The following IMMT variants were observed in gnomAD, a reference collection of about 807,000 sequenced individuals.
IMMT encodes MICOS complex subunit MIC60.
In IMMT, 40 loss-of-function variants were observed where a neutral mutation model predicts 92.7. The ratio of observed to expected loss-of-function variants is 0.43; its 90% CI spans 0.34 to 0.56. IMMT has a LOEUF of 0.56. Among genes scored for constraint, IMMT ranks in the 20% least tolerant of loss-of-function variants. The probability of loss-of-function intolerance (pLI) is 0.03; values close to 1 mark genes in which losing one functional copy is unlikely to be tolerated. For synonymous variants in IMMT, 322 were observed against 336.1 expected (o/e 0.96, Z 0.46); for missense variants, 831 against 912.1 (o/e 0.91, Z 1.14).
intron 10 of IMMT, among the ~76,000 whole-genome samples, chr2:86,154,796 A>G (rs772376632): frequency 1.3e-5 from 2 of 152,192 alleles, no homozygotes; most frequent in Non-Finnish European, 2.9e-5. Context: ...TGAACACGTG[A>G]CAGGAGAAGG....
At chr2:86,171,584 C>G (rs1677086764) in intron 4 of IMMT, 1 of 448,776 alleles carries the variant, frequency 2.2e-6, no homozygotes, top group Middle Eastern at 3.9e-4. Context: ...TCTGCATCCA[C>G]CTGCATTTTA....
intron 10 of IMMT, among the ~76,000 whole-genome samples, chr2:86,158,178 A>G (rs774100956): frequency 1.1e-4 from 16 of 152,250 alleles, no homozygotes; most frequent in Non-Finnish European, 1.9e-4. Context: ...TTTGTCACAG[A>G]GCAGACATAA....
chr2:86,152,457 A>AAAAAAAAAAAAAG (rs1242798734), intron 11 of IMMT, among the ~76,000 whole-genome samples: 1 of 149,710 alleles, frequency 6.7e-6, no homozygotes, highest in African/African-American at 2.5e-5. Context: ...AAAAAAAAAA[A>AAAAAAAAAAAAAG]AGAGAGAATT....
intron 11 of IMMT, among the ~76,000 whole-genome samples, chr2:86,152,977 TAAA>T (rs1178406128): frequency 6.6e-6 from 1 of 152,140 alleles, no homozygotes; most frequent in African/African-American, 2.4e-5. Context: ...TCGATTCAAA[TAAA>T]AACTGTAAAG....
At chr2:86,186,057 C>T (rs1260200422) in intron 1 of IMMT, among the ~76,000 whole-genome samples, 2 of 152,122 alleles carry the variant, frequency 1.3e-5, no homozygotes, top group South Asian at 4.1e-4. Flanking sequence ...TCTGTCATAC[C>T]ACCATATGCT....
Position 86,171,490 on chromosome 2 carries a change from C to T in IMMT, c.422-145G>A, listed in dbSNP as rs569128480. 5.3e-4 allele frequency: 383 copies of T among 728,432 alleles called. 1 individual carries two copies. The African/African-American group carries it at 6.3e-3, about 12-fold the overall frequency. The allele number at this position is 728,432 out of a possible 1,614,324, so 45.1% of individuals were successfully genotyped here. Reference sequence around the variant, plus strand: ...TGTACTGCCACATGTTTGAATAACACACAAACAGGGGCACTGTCCACTGCA... The same window carrying T: ...TGTACTGCCACATGTTTGAATAACATACAAACAGGGGCACTGTCCACTGCA... On this transcript the variant is annotated intron_variant, in intron 4 of 14. Coordinates refer to ENST00000410111, the MANE Select transcript of IMMT (RefSeq NM_006839.3).
chr2:86,153,560 C>T lies in IMMT; in HGVS notation c.1177G>A (p.Ala393Thr), dbSNP rs1246262297. The T allele has an allele frequency of 1.4e-6, 2 of 1,476,608 alleles. No individual in the cohort carries two copies. Among genetic ancestry groups the T allele is most frequent in the Non-Finnish European group, 1.8e-6 (2 of 1,093,972 alleles). 91.5% of individuals were successfully genotyped at this position (1,476,608 alleles called of 1,614,324 possible). Residue 393 changes from alanine (A) to threonine (T), a missense_variant and splice_region_variant, in exon 11 of 15, where the codon GCT becomes ACT. Transcript: ENST00000410111. ...GWKGMSVSDL[A>T]DKLSTDDLNS... ...AACATGAAATATACATAACACTCAC[C>T]TAAGTCTGAAACACCTACAAAGGAA... is the stretch of plus-strand genomic sequence containing the variant.
At chr2:86,157,649 G>A (rs1024953779) in intron 10 of IMMT, among the ~76,000 whole-genome samples, 5 of 152,050 alleles carry the variant, frequency 3.3e-5, no homozygotes, top group South Asian at 4.2e-4. Context: ...TTGGTTGGGC[G>A]CAGTGGCTCA....
At chr2:86,194,592 C>G (rs920305549) in intron 1 of IMMT, among the ~76,000 whole-genome samples, 2 of 152,174 alleles carry the variant, frequency 1.3e-5, no homozygotes, top group African/African-American at 4.8e-5. Context: ...GCAGTGGAAA[C>G]AGGCTTTTTA....
At chr2:86,146,753 C>A (rs1440299798) in intron 13 of IMMT, among the ~76,000 whole-genome samples, 1 of 151,890 alleles carries the variant, frequency 6.6e-6, no homozygotes, top group Non-Finnish European at 1.5e-5. Flanking sequence ...AAGTCAGAAA[C>A]AAACTGCCAA....
chr2:86,146,736 G>T (rs1194885590), intron 13 of IMMT, among the ~76,000 whole-genome samples: 11 of 151,962 alleles, frequency 7.2e-5, no homozygotes, highest in Admixed American at 7.2e-4. Flanking sequence ...AAGAGAGAAG[G>T]CTGTTAAAGT....
rs368903288 is a variant in IMMT, at chr2:86,173,707, T to C, written c.364A>G (p.Lys122Glu). 3.1e-6 allele frequency: 5 copies of C among 1,609,106 alleles called. No individual in the cohort carries two copies. In the East Asian group the frequency reaches 8.9e-5, roughly 29 times the overall value. Residue 122 changes from lysine to glutamate, a missense_variant, in exon 4 of 15, where the codon AAA (lysine) becomes GAA (glutamate). Physicochemically the swap from Lys to Glu is moderately conservative, Grantham distance 56. Transcript: ENST00000410111. ...TTTTGGAGTTGTGAGGCAGGCTGTT[T>C]AGATTCTTTCATTACTTCTGATACA... ...SSVSEVMKESKQPASQLQKQK... is the reference protein window; with the variant it reads ...SSVSEVMKESEQPASQLQKQK...
intron 10 of IMMT, among the ~76,000 whole-genome samples, chr2:86,153,824 C>G (rs1355550416): frequency 6.6e-6 from 1 of 152,120 alleles, no homozygotes; most frequent in Admixed American, 6.5e-5. Context: ...GTTTTGGTTT[C>G]AAAGGACTTA....
chr2:86,159,236 C>A, intron 9 of IMMT: 1 of 388,482 alleles, frequency 2.6e-6, no homozygotes, highest in Non-Finnish European at 4.9e-6. Context: ...CAGGCGCACA[C>A]CACCACATCC....
intron 1 of IMMT, among the ~76,000 whole-genome samples, chr2:86,184,572 CAT>C (rs1028813101): frequency 1.4e-4 from 22 of 152,116 alleles, no homozygotes; most frequent in African/African-American, 4.3e-4. Flanking sequence ...GATAACCAAA[CAT>C]ATGTTTATAC....
At chr2:86,160,493 C>T (rs1676191224) in intron 8 of IMMT, among the ~76,000 whole-genome samples, 1 of 152,138 alleles carries the variant, frequency 6.6e-6, no homozygotes, top group African/African-American at 2.4e-5. Flanking sequence ...GTCTACCCAC[C>T]ATAAAACACA....
intron 4 of IMMT, chr2:86,171,608 C>T: frequency 2.6e-6 from 1 of 385,230 alleles, no homozygotes; most frequent in East Asian, 4.6e-5. Flanking sequence ...ATCATTATTC[C>T]AGGCAAGGCT....
At chr2:86,187,915 GA>G (rs903605522) in intron 1 of IMMT, among the ~76,000 whole-genome samples, 128 of 127,354 alleles carry the variant, frequency 1.0e-3, no homozygotes, top group Admixed American at 1.9e-3. Context: ...TCTGTCTCCA[GA>G]AAAAAAAAAA....
At chr2:86,155,729 G>A (rs1573890746) in intron 10 of IMMT, among the ~76,000 whole-genome samples, 1 of 152,252 alleles carries the variant, frequency 6.6e-6, no homozygotes, top group Non-Finnish European at 1.5e-5. Flanking sequence ...ATGACAATAA[G>A]AGCAAAATGC....
Sources: allele counts gnomAD v4.1 joint callset (sites outside exome capture counted in the v4.1 genomes callset), GRCh38; gene constraint gnomAD v4.1.1; transcripts MANE v1.5; gene names NCBI Gene and HGNC (gene_info 2026-07-23, HGNC 2026-07-21).